The following AMZ1 variants were observed in gnomAD, a reference collection of about 807,000 sequenced individuals.
The protein encoded by AMZ1 is archaelysin family metallopeptidase 1, also known as archaemetzincin-1.
Under a neutral mutation model 29.9 loss-of-function variants are expected in AMZ1, and 39 were observed. The observed-to-expected ratio is 1.30, with a 90% CI of 1.01 to 1.70. The LOEUF (loss-of-function observed/expected upper bound fraction) is 1.70. AMZ1 is among the 40% of genes most tolerant of loss of function. The probability of loss-of-function intolerance (pLI) is 0.00; values close to 1 mark genes in which losing one functional copy is unlikely to be tolerated. For missense variants in AMZ1, 1,041 were observed against 680.6 expected, an observed-to-expected ratio of 1.53 and a Z score of -5.89; for synonymous variants, 458 against 304.0, an observed-to-expected ratio of 1.51 and a Z score of -5.27.
chr7:2,714,052 G>C lies in AMZ1; in HGVS notation c.*1174G>C, dbSNP rs116660183. ...AGCTCCTTTACGTCCCTGCACATTT[G>C]ATTGTTGTGTCTTCCTGAGGAATTG... On this transcript the variant is annotated 3_prime_UTR_variant, in exon 7 of 7. Transcript: ENST00000683327. 0.012 allele frequency: 1,781 copies of C among 152,262 alleles called. 45 individuals are homozygous for C. The highest frequency in any genetic ancestry group is 0.041 in the African/African-American group (1,691 of 41,512). 9.4% of individuals were successfully genotyped at this position (152,262 alleles called of 1,614,324 possible).
chr7:2,735,829 A>C (rs542500392), intron 4 of AMZ1, among the ~76,000 whole-genome samples: 1 of 152,252 alleles, frequency 6.6e-6, no homozygotes, highest in East Asian at 1.9e-4. Flanking sequence ...GGTCCGTGGG[A>C]AAGCTGCCAC....
In AMZ1 at chr7:2,757,264, T is replaced by C. The variant is rs368802444; in HGVS notation, n.551-7448T>C. Among the ~76,000 whole-genome samples, 8 of 11,298 alleles carry C rather than the reference T, an allele frequency of 7.1e-4. No individual in the cohort carries two copies. The East Asian group carries it at 9.3e-3, about 13-fold the overall frequency. 7.4% of individuals were successfully genotyped at this position (11,298 alleles called of 152,430 possible). On this transcript the variant is annotated intron_variant and non_coding_transcript_variant, in intron 4 of 4. Coordinates refer to the AMZ1 transcript ENST00000489665. ...CATTCTCCTGCCTCAGCCTCCCAAG[T>C]AGCTGGGACCGCAGCGCCCGCCACC...
Position 2,709,762 on chromosome 7 carries a change from C to G in AMZ1, c.894C>G (p.Ile298Met), listed in dbSNP as rs773132642. Residue 298 changes from isoleucine (I) to methionine (M), a missense_variant, in exon 6 of 7, where the codon ATC becomes ATG. Physicochemically the swap from Ile to Met is conservative, Grantham distance 10 (BLOSUM62 1). Coordinates refer to ENST00000683327, the MANE Select transcript of AMZ1 (RefSeq NM_001384743.1). ...ALRRPLDLCP[I>M]CLRKLQHVLG... ...GGCGGCCCCTGGACCTCTGTCCCAT[C>G]TGCCTGAGGAAGCTGCAGCATGTCC... The G allele has an allele frequency of 6.2e-7, 1 of 1,611,992 alleles. No homozygotes were observed. The highest frequency in any genetic ancestry group is 8.5e-7 in the Non-Finnish European group (1 of 1,179,866).
upstream of AMZ1, among the ~76,000 whole-genome samples, chr7:2,686,784 G>A (rs965434489): frequency 6.6e-6 from 1 of 151,450 alleles, no homozygotes; most frequent in African/African-American, 2.4e-5. Context: ...GCATAATCTC[G>A]GCTCACTGCA....
chr7:2,706,318 C>T (rs1165881487), intron 3 of AMZ1, among the ~76,000 whole-genome samples: 8 of 152,194 alleles, frequency 5.3e-5, no homozygotes, highest in Admixed American at 3.9e-4. Context: ...AGACACGTGC[C>T]ATCACACCTG....
intron 1 of AMZ1, among the ~76,000 whole-genome samples, chr7:2,698,892 CAT>C (rs1266713013): frequency 1.3e-5 from 2 of 152,148 alleles, no homozygotes; most frequent in African/African-American, 4.8e-5. Context: ...CCTGCAAAAA[CAT>C]AGCTGTTTCT....
intron 3 of AMZ1, among the ~76,000 whole-genome samples, chr7:2,704,508 A>G (rs1285629746): frequency 1.4e-5 from 2 of 140,178 alleles, no homozygotes. Context: ...ACCCCCATAT[A>G]TTGTGTTCCT....
At position 2,712,776 on chromosome 7, in the gene AMZ1, G is replaced by C; in HGVS notation, c.1395G>C (p.Lys465Asn). Reference sequence around the variant, plus strand: ...GCAGGGACAGCGTGGGGCTGCGCAAGGTGCTGGGGGACAAGTTCTCCTCCC... The same window carrying C: ...GCAGGGACAGCGTGGGGCTGCGCAACGTGCTGGGGGACAAGTTCTCCTCCC... ...PSSRDSVGLR[K>N]VLGDKFSSLR... Residue 465 changes from lysine to asparagine, a missense_variant, in exon 7 of 7, where the codon AAG becomes AAC. Lys to Asn is a moderately conservative substitution (Grantham distance 94). Transcript: ENST00000683327. 1 of 1,576,926 alleles carries C rather than the reference G, an allele frequency of 6.3e-7. No individual in the cohort carries two copies. Among genetic ancestry groups the C allele is most frequent in the East Asian group, 2.3e-5 (1 of 44,420 alleles).
At chr7:2,698,174 T>C (rs1787848504) in intron 1 of AMZ1, among the ~76,000 whole-genome samples, 1 of 152,130 alleles carries the variant, frequency 6.6e-6, no homozygotes, top group Non-Finnish European at 1.5e-5. Context: ...TGAGCCATGA[T>C]TGTGCCACTA....
At chr7:2,688,890 G>C (rs919001518) in intron 1 of AMZ1, among the ~76,000 whole-genome samples, 1 of 152,254 alleles carries the variant, frequency 6.6e-6, no homozygotes, top group Non-Finnish European at 1.5e-5. Flanking sequence ...GGGTGACAGA[G>C]AAATGGCAAA....
In AMZ1 at chr7:2,716,669, G is replaced by A. The variant is rs1039659408; in HGVS notation, c.*3791G>A. The A allele has an allele frequency of 1.3e-5, 2 of 152,290 alleles. No individual in the cohort carries two copies. The highest frequency in any genetic ancestry group is 2.9e-5 in the Non-Finnish European group (2 of 68,076). 9.4% of individuals were successfully genotyped at this position (152,290 alleles called of 1,614,324 possible). A position where few individuals can be genotyped will look rare whatever the true frequency, so the allele number is the denominator to read the frequency against. On this transcript the variant is annotated 3_prime_UTR_variant, in exon 7 of 7. Coordinates refer to ENST00000683327, the MANE Select transcript of AMZ1 (RefSeq NM_001384743.1). ...AGCTGCTCTGCAGACCCACCAGGCA[G>A]GGACGGCCAGGCCTCGGAGAGAGGG...
At chr7:2,726,323 A>G (rs1310220267) in intron 4 of AMZ1, among the ~76,000 whole-genome samples, 4 of 152,230 alleles carry the variant, frequency 2.6e-5, no homozygotes, top group Non-Finnish European at 4.4e-5. Context: ...TCCTCACCAC[A>G]TTAAACATGG....
At chr7:2,753,176 A>G (rs1016738075) in intron 4 of AMZ1, among the ~76,000 whole-genome samples, 1 of 151,604 alleles carries the variant, frequency 6.6e-6, no homozygotes, top group African/African-American at 2.4e-5. Flanking sequence ...AAAAAAAGAG[A>G]CAGGGTCTTA....
At chr7:2,711,183 G>A (rs1022049116) in intron 6 of AMZ1, among the ~76,000 whole-genome samples, 2 of 152,196 alleles carry the variant, frequency 1.3e-5, no homozygotes, top group Admixed American at 6.5e-5. Context: ...CAGGGCAAAG[G>A]CACTCCAGGG....
chr7:2,762,783 A>C (rs1791625660), upstream of AMZ1: 1 of 1,542,096 alleles, frequency 6.5e-7, no homozygotes, highest in East Asian at 2.5e-5. Context: ...CAGGCTGTAC[A>C]AAAGGGAGGA....
chr7:2,741,867 A>G (rs1032402832), intron 4 of AMZ1, among the ~76,000 whole-genome samples: 1 of 150,658 alleles, frequency 6.6e-6, no homozygotes, highest in Non-Finnish European at 1.5e-5. Flanking sequence ...TGACTGTCTC[A>G]TAATTACCAC....
At chr7:2,748,702 C>G (rs1790883617) in intron 4 of AMZ1, among the ~76,000 whole-genome samples, 1 of 152,158 alleles carries the variant, frequency 6.6e-6, no homozygotes, top group African/African-American at 2.4e-5. Flanking sequence ...GCAAAAGAAA[C>G]TACCATCAGC....
At chr7:2,699,368 C>T (rs921188850) in intron 1 of AMZ1, among the ~76,000 whole-genome samples, 9 of 152,198 alleles carry the variant, frequency 5.9e-5, no homozygotes, top group African/African-American at 2.2e-4. Context: ...TCCTCCCTAC[C>T]TGGTCCGTCC....
At chr7:2,702,475 C>T (rs553987229) in intron 2 of AMZ1, 19 of 533,298 alleles carry the variant, frequency 3.6e-5, no homozygotes, top group Non-Finnish European at 6.2e-5. Flanking sequence ...TCCCTGAGCT[C>T]ATATGCGATT....
Sources: allele counts gnomAD v4.1 joint callset (sites outside exome capture counted in the v4.1 genomes callset), GRCh38; gene constraint gnomAD v4.1.1; transcripts MANE v1.5; gene names NCBI Gene and HGNC (gene_info 2026-07-23, HGNC 2026-07-21).